Variants in HECTD4 observed in about 807,000 individuals in gnomAD.
HECTD4 encodes HECT domain E3 ubiquitin protein ligase 4, also known as probable E3 ubiquitin-protein ligase HECTD4.
A neutral mutation model predicts 471.5 loss-of-function variants in HECTD4; 114 were observed. The observed-to-expected ratio is 0.24, with a 90% CI of 0.21 to 0.28. The LOEUF is 0.28. HECTD4 is among the 10% of genes least tolerant of loss of function. The pLI is 1.00. For synonymous variants in HECTD4, 2,012 were observed against 2,256.0 expected (o/e 0.89, Z 3.07); for missense variants, 3,866 against 5,651.5 (o/e 0.68, Z 10.13).
chr12:112,258,573 C>T lies in HECTD4; in HGVS notation c.3051G>A (p.Gln1017=). 2 of 1,605,900 alleles carry T rather than the reference C, an allele frequency of 1.2e-6. No homozygotes were observed. Among genetic ancestry groups the T allele is most frequent in the South Asian group, 1.1e-5 (1 of 89,840 alleles). The change falls in exon 20 of 76, where the codon CAG becomes CAA. Residue 1017 remains glutamine (Q), a synonymous_variant. Transcript: ENST00000682272. ...TSQTALLLKT[Q]CPVFAEVGCS... Reference sequence around the variant, plus strand: ...AGCCCACCTCAGCAAAAACCGGACACTGGGTTTTAAGCAGCAACGCCGTCT... The same window carrying T: ...AGCCCACCTCAGCAAAAACCGGACATTGGGTTTTAAGCAGCAACGCCGTCT...
chr12:112,354,716 G>A (rs560023258), intron 1 of HECTD4, among the ~76,000 whole-genome samples: 38 of 151,698 alleles, frequency 2.5e-4, no homozygotes, highest in Non-Finnish European at 4.3e-4. Flanking sequence ...ACACACACAC[G>A]CACGCACAAA....
At chr12:112,210,422 G>C (rs1250082151) in intron 49 of HECTD4, among the ~76,000 whole-genome samples, 170 bp from the exon 50 acceptor site, 3 of 152,166 alleles carry the variant, frequency 2.0e-5, no homozygotes, top group Non-Finnish European at 4.4e-5. Flanking sequence ...TGTGCTCAGA[G>C]CCCTGTACAG....
Position 112,212,576 on chromosome 12 carries a change from C to T in HECTD4, c.7540G>A (p.Val2514Met). 6.2e-7 allele frequency: 1 copy of T among 1,613,868 alleles called. No individual in the cohort carries two copies. Among genetic ancestry groups the T allele is most frequent in the Non-Finnish European group, 8.5e-7 (1 of 1,179,812 alleles). ...PPPGQPAKGR[V>M]YFTYCGQRLS... ...CGCTGCCCGCAGTATGTGAAGTACA[C>T]CCGGCCCTTGGCTGGCTGTCCCGGA... The change falls in exon 49 of 76, where the codon GTG (valine) becomes ATG (methionine). Residue 2514 changes from valine to methionine, a missense_variant. Transcript: ENST00000682272.
chr12:112,381,931 G>A lies in HECTD4; in HGVS notation c.177+21C>T, dbSNP rs1452888700. On this transcript the variant is annotated intron_variant, in intron 1 of 75. Coordinates refer to ENST00000682272, the MANE Select transcript of HECTD4 (RefSeq NM_001388303.1). This position sits in a 1 kb window ranked among gnomAD's most constrained non-coding sequence, Gnocchi z 4.1. ...CGAGTGGGTCAGTCCGATGGCGGGG[G>A]CCGGGGGCCGCCTCGCTCACCTCCA... The A allele has an allele frequency of 1.1e-5, 14 of 1,221,242 alleles. No individual in the cohort carries two copies. Among genetic ancestry groups the A allele is most frequent in the East Asian group, 3.2e-5 (1 of 30,996 alleles). The allele number at this position is 1,221,242 out of a possible 1,614,324, so 75.7% of individuals were successfully genotyped here.
chr12:112,220,317 T>C (rs1452695559), intron 44 of HECTD4, among the ~76,000 whole-genome samples: 1 of 151,882 alleles, frequency 6.6e-6, no homozygotes, highest in Non-Finnish European at 1.5e-5. Context: ...CCAAAGCCCC[T>C]ACTATGGAGG....
chr12:112,175,916 T>C (rs1185963237), intron 65 of HECTD4, 57 bp from the exon 66 acceptor site: 2 of 1,594,004 alleles, frequency 1.3e-6, no homozygotes, highest in Non-Finnish European at 1.7e-6. Flanking sequence ...ATCGCGCGCC[T>C]CCAACGTGCT....
chr12:112,210,765 T>C (rs2032739833), intron 49 of HECTD4, among the ~76,000 whole-genome samples: 1 of 152,250 alleles, frequency 6.6e-6, no homozygotes, highest in South Asian at 2.1e-4. Flanking sequence ...CATGCATATT[T>C]ATGTGATTAT....
rs1043441656 is a variant in HECTD4, at chr12:112,381,848, C to T, written c.177+104G>A. The T allele has an allele frequency of 1.2e-6, 1 of 833,112 alleles. No individual in the cohort carries two copies. The highest frequency in any genetic ancestry group is 1.6e-6 in the Non-Finnish European group (1 of 631,492). 51.6% of individuals were successfully genotyped at this position (833,112 alleles called of 1,614,324 possible). ...GCCCACACACACCTGCCCCGGCAGC[C>T]GCCGGGAGGCGAGGCCGCGGCTGAG... On this transcript the variant is annotated intron_variant, in intron 1 of 75. Transcript: ENST00000682272. The surrounding 1 kb of genome is among the most constrained non-coding windows in gnomAD (Gnocchi z 4.1).
intron 20 of HECTD4, 99 bp downstream of exon 20, chr12:112,258,397 A>G: frequency 5.0e-6 from 4 of 806,326 alleles, no homozygotes; most frequent in Non-Finnish European, 5.7e-6. Flanking sequence ...TTTCACAGCT[A>G]GATAATCCTT....
rs374620778 is a variant in HECTD4 at position 112,231,711 on chromosome 12, C to T, written c.6002G>A (p.Gly2001Asp). ...CTCTTCTGTAATCACTTCGCAACAGCCACCCTGGGGTGAGGTTGAAGACGC... is the reference window on the plus strand; with the variant it reads ...CTCTTCTGTAATCACTTCGCAACAGTCACCCTGGGGTGAGGTTGAAGACGC... Reference protein sequence around the residue: ...VKMDRDMTKGGCCEVITEEAA... With the variant: ...VKMDRDMTKGDCCEVITEEAA... Residue 2001 changes from glycine (G) to aspartate (D), a missense_variant, in exon 39 of 76, where the codon GGC becomes GAC. Transcript: ENST00000682272. The T allele has an allele frequency of 9.9e-6, 16 of 1,610,178 alleles. No homozygotes were observed. Among genetic ancestry groups the T allele is most frequent in the Non-Finnish European group, 1.3e-5 (15 of 1,179,232 alleles).
chr12:112,225,235 A>T (rs1273395219), intron 44 of HECTD4, among the ~76,000 whole-genome samples: 1 of 152,222 alleles, frequency 6.6e-6, no homozygotes, highest in Non-Finnish European at 1.5e-5. Flanking sequence ...ACAATGTGAA[A>T]GAGTAACAAA....
At position 112,332,811 on chromosome 12, in the gene HECTD4, C is replaced by CA. The variant is rs58813588; in HGVS notation, c.178-13070dup. On this transcript the variant is annotated intron_variant, in intron 1 of 75. Transcript: ENST00000682272. ...TTCATCACACACCCCCACCCTACTGCAAAAAAAAAAAACAAAAATCCTGAA... is the reference window on the plus strand; with the variant it reads ...TTCATCACACACCCCCACCCTACTGCAAAAAAAAAAAAACAAAAATCCTGAA... Among the ~76,000 whole-genome samples, 7,960 of 139,280 alleles carry CA rather than the reference C, an allele frequency of 0.057. 1,199 individuals carry two copies. The East Asian group carries it at 0.61, about 11-fold the overall frequency. 91.4% of individuals were successfully genotyped at this position (139,280 alleles called of 152,430 possible).
intron 62 of HECTD4, among the ~76,000 whole-genome samples, chr12:112,180,531 T>TAA (rs35992099): frequency 2.1e-5 from 3 of 140,188 alleles, no homozygotes; most frequent in Admixed American, 7.2e-5. Flanking sequence ...TGAGACTGTT[T>TAA]AAAAAAAAAA....
intron 24 of HECTD4, among the ~76,000 whole-genome samples, 187 bp from the exon 25 acceptor site, chr12:112,250,564 C>T (rs1049542337): frequency 1.3e-5 from 2 of 152,198 alleles, no homozygotes; most frequent in African/African-American, 4.8e-5. Flanking sequence ...GGGGATCTAG[C>T]TCCCCCCCAA....
At chr12:112,331,390 C>T (rs2035842657) in intron 1 of HECTD4, among the ~76,000 whole-genome samples, 1 of 152,028 alleles carries the variant, frequency 6.6e-6, no homozygotes, top group Non-Finnish European at 1.5e-5. Context: ...TTTTTAAAGC[C>T]CACAGGTGAA....
rs1327256005 is a variant in HECTD4, at chr12:112,290,853, AAAAACAAAAC to A, written c.1336-7561_1336-7552del. Among the ~76,000 whole-genome samples, 6 of 148,176 alleles carry A rather than the reference AAAAACAAAAC, an allele frequency of 4.0e-5. No homozygotes were observed. The South Asian group carries it at 1.3e-3, about 31-fold the overall frequency. On this transcript the variant is annotated intron_variant, in intron 7 of 75. Coordinates refer to ENST00000682272, the MANE Select transcript of HECTD4 (RefSeq NM_001388303.1). Reference sequence around the variant, plus strand: ...ACAAGAGCGAAACTCCGTCTCAAAAAAAAACAAAACAAAAAAAAAAAACAAATCACAGATA... The same window carrying A: ...ACAAGAGCGAAACTCCGTCTCAAAAAAAAAAAAAAAAACAAATCACAGATA...
chr12:112,319,734 G>A lies in HECTD4; in HGVS notation c.186C>T (p.Thr62=). 8.0e-7 allele frequency: 1 copy of A among 1,246,096 alleles called. No individual in the cohort carries two copies. 77.2% of individuals were successfully genotyped at this position (1,246,096 alleles called of 1,614,324 possible). ...EAADTDLEIL[T]FETKNPSELA... ...ATTCCGACGGGTTCTTGGTCTCAAAGGTTAAAATCTAAGGAAAAAGACGAT... is the reference window on the plus strand; with the variant it reads ...ATTCCGACGGGTTCTTGGTCTCAAAAGTTAAAATCTAAGGAAAAAGACGAT... Residue 62 remains threonine, a synonymous_variant, in exon 2 of 76, where the codon ACC becomes ACT. Transcript: ENST00000682272. This position sits in a 1 kb window ranked among gnomAD's most constrained non-coding sequence, Gnocchi z 5.3.
intron 1 of HECTD4, among the ~76,000 whole-genome samples, chr12:112,355,592 T>A (rs890616403): frequency 2.6e-5 from 4 of 151,494 alleles, no homozygotes; most frequent in Non-Finnish European, 5.9e-5. Context: ...AAACCCCATG[T>A]CTACTAAAAA....
chr12:112,269,602 T>G, intron 13 of HECTD4, 102 bp downstream of exon 13: 2 of 1,222,484 alleles, frequency 1.6e-6, no homozygotes, highest in Non-Finnish European at 2.3e-6. Context: ...AATTGTGGGA[T>G]GGGGTAAGAG....
Sources: gnomAD v4.1 joint callset for allele counts (sites outside exome capture counted in the v4.1 genomes callset) on GRCh38, gnomAD v4.1.1 for gene constraint, Gnocchi (gnomAD v3.1) non-coding constraint, MANE v1.5 for transcripts, NCBI Gene and HGNC (gene_info 2026-07-23, HGNC 2026-07-21) for gene names.